TF: variants seen among roughly 807,000 people sequenced by gnomAD.
TF encodes the protein transferrin.
TF carries 55 observed loss-of-function variants against 82.4 expected under a neutral mutation model. The ratio of observed to expected loss-of-function variants is 0.67; its 90% CI spans 0.54 to 0.84. TF has a LOEUF of 0.84. Ranked by LOEUF, TF falls within the 40% of genes least tolerant of loss-of-function variation. The probability of loss-of-function intolerance (pLI) is 0.00; values close to 1 mark genes in which losing one functional copy is unlikely to be tolerated. For synonymous variants in TF, 332 were observed against 332.6 expected (o/e 1.00, Z 0.02); for missense variants, 737 against 868.4 (o/e 0.85, Z 1.90).
chr3:133,759,337 A>G lies in TF; in HGVS notation c.1203+8A>G, dbSNP rs368843608. On this transcript the variant is annotated splice_region_variant and intron_variant, in intron 9 of 16. Transcript: ENST00000402696. The stretch of plus-strand genomic sequence containing the variant: ...TGCATCGCCAAGATCATGGTATGTC[A>G]CTCCAGCCTTCCTAGGGCAGCGTCC... The G allele has an allele frequency of 6.2e-7, 1 of 1,613,052 alleles. No homozygotes were observed. Among genetic ancestry groups the G allele is most frequent in the South Asian group, 1.1e-5 (1 of 91,060 alleles).
At chr3:133,685,197 C>T in the TF span, among the ~76,000 whole-genome samples, 10 of 152,262 alleles carry the variant, frequency 6.6e-5, no homozygotes, top group East Asian at 1.9e-4. Flanking sequence ...ATTAATGGGA[C>T]GTATCTCAAA....
At chr3:133,683,005 G>C in the TF span, among the ~76,000 whole-genome samples, 2 of 152,198 alleles carry the variant, frequency 1.3e-5, no homozygotes, top group Non-Finnish European at 2.9e-5. Flanking sequence ...AGCTGATCTC[G>C]CGGCAGAAAC....
intron 11 of TF, 54 bp downstream of exon 11, chr3:133,764,961 G>T: frequency 3.1e-6 from 5 of 1,587,676 alleles, no homozygotes; most frequent in Non-Finnish European, 4.3e-6. Context: ...CATTGTTTTG[G>T]GGAATTGGTT....
the TF span, among the ~76,000 whole-genome samples, chr3:133,664,001 C>T: frequency 6.6e-6 from 1 of 152,166 alleles, no homozygotes; most frequent in Non-Finnish European, 1.5e-5. Context: ...CTAGTATCTA[C>T]TCCTGGAAAA....
rs1376081201 is a variant in TF at position 133,789,890 on chromosome 3, T to G, written c.*11270T>G. 1.7e-5 allele frequency: 1 copy of G among 59,210 alleles called. No individual in the cohort carries two copies. The highest frequency in any genetic ancestry group is 1.3e-3 in the East Asian group (1 of 766). The allele number at this position is 59,210 out of a possible 1,614,324, so 3.7% of individuals were successfully genotyped here. A position where few individuals can be genotyped will look rare whatever the true frequency, so the allele number is the denominator to read the frequency against. ...ACGATCTCGTTTGCGTTTTTTTTTT[T>G]TTTTTTTTTTTTTTTTTTGACAAAT... is the stretch of plus-strand genomic sequence containing the variant. On this transcript the variant is annotated 3_prime_UTR_variant, in exon 17 of 17. Transcript: ENST00000402696.
intron 2 of TF, among the ~76,000 whole-genome samples, chr3:133,750,361 T>G (rs1319128122): frequency 6.6e-6 from 1 of 152,120 alleles, no homozygotes; most frequent in African/African-American, 2.4e-5. Flanking sequence ...AATTCTACAG[T>G]TCTCAGCACA....
chr3:133,770,846 A>G, intron 14 of TF: 2 of 533,998 alleles, frequency 3.7e-6, no homozygotes, highest in Non-Finnish European at 6.7e-6. Flanking sequence ...TTCAGTGCCT[A>G]TTTCCTAAGA....
chr3:133,724,771 G>T, the TF span, among the ~76,000 whole-genome samples: 1 of 152,218 alleles, frequency 6.6e-6, no homozygotes, highest in Non-Finnish European at 1.5e-5. Flanking sequence ...TTTTCTTCTA[G>T]GGATTTTATG....
In TF at chr3:133,757,095, GA is replaced by G. The variant is rs1391099449; in HGVS notation, c.870+88del. The G allele has an allele frequency of 3.6e-5, 57 of 1,563,504 alleles. No individual in the cohort carries two copies. In the East Asian group the frequency reaches 1.3e-3, roughly 34 times the overall value. ...TCCTCCTGGCCATCTTGTCACTCTG[GA>G]AGTCTGTGTGTTCAGGATACAGTGG... is the stretch of plus-strand genomic sequence containing the variant. On this transcript the variant is annotated intron_variant, in intron 7 of 16. Transcript: ENST00000402696.
chr3:133,675,963 T>C, the TF span, among the ~76,000 whole-genome samples: 1 of 152,000 alleles, frequency 6.6e-6, no homozygotes, highest in Non-Finnish European at 1.5e-5. Context: ...GTGAAAGAAA[T>C]GGGGTTAGAG....
At chr3:133,732,731 C>G in the TF span, among the ~76,000 whole-genome samples, 1 of 152,192 alleles carries the variant, frequency 6.6e-6, no homozygotes, top group Non-Finnish European at 1.5e-5. Flanking sequence ...AAACTCTTGA[C>G]ACACCGTCTT....
chr3:133,774,352 A>C (rs1343100440), intron 14 of TF: 1 of 152,248 alleles, frequency 6.6e-6, no homozygotes, highest in African/African-American at 2.4e-5. Flanking sequence ...GATGCCTATT[A>C]AAAGAGGAAT....
chr3:133,710,492 C>T, the TF span, among the ~76,000 whole-genome samples: 3 of 152,170 alleles, frequency 2.0e-5, no homozygotes, highest in African/African-American at 7.2e-5. Flanking sequence ...GTCCACACAC[C>T]TCAAACCCAC....
chr3:133,670,484 G>C, the TF span, among the ~76,000 whole-genome samples: 1 of 152,326 alleles, frequency 6.6e-6, no homozygotes, highest in Middle Eastern at 3.4e-3. Context: ...CTTTGTCCCA[G>C]TACACACGAA....
At chr3:133,733,706 CA>C in the TF span, among the ~76,000 whole-genome samples, 21 of 152,296 alleles carry the variant, frequency 1.4e-4, no homozygotes, top group African/African-American at 4.6e-4. Context: ...TAACATTGAA[CA>C]ATGCTGAATA....
chr3:133,667,770 A>G, the TF span, among the ~76,000 whole-genome samples: 1 of 152,280 alleles, frequency 6.6e-6, no homozygotes, highest in East Asian at 1.9e-4. Context: ...GTGTCTAAGG[A>G]GCTACTAGAA....
chr3:133,682,319 C>A, the TF span, among the ~76,000 whole-genome samples: 2 of 152,184 alleles, frequency 1.3e-5, no homozygotes, highest in African/African-American at 4.8e-5. Context: ...GAATGCAGCT[C>A]CCCACCAGCA....
rs537671158 is a variant in TF, at chr3:133,790,468, T to C, written c.*11848T>C. 2 of 152,330 alleles carry C rather than the reference T, an allele frequency of 1.3e-5. No homozygotes were observed. The highest frequency in any genetic ancestry group is 3.9e-4 in the East Asian group (2 of 5,186). The allele number at this position is 152,330 out of a possible 1,614,324, so 9.4% of individuals were successfully genotyped here. ...GTTCAAATTACAGATTTGAAAAGGT[T>C]ACTTATGAAACAATGTAGTAAGGAA... On this transcript the variant is annotated 3_prime_UTR_variant, in exon 17 of 17. Transcript: ENST00000402696.
At position 133,759,297 on chromosome 3, in the gene TF, G is replaced by A. The variant is rs1933921418; in HGVS notation, c.1171G>A (p.Glu391Lys). The A allele has an allele frequency of 3.1e-6, 5 of 1,613,622 alleles. No homozygotes were observed. The highest frequency in any genetic ancestry group is 4.2e-6 in the Non-Finnish European group (5 of 1,179,972). Residue 391 changes from glutamate to lysine, a missense_variant, in exon 9 of 17, where the codon GAG becomes AAG. Glu to Lys is a moderately conservative substitution (Grantham distance 56). Transcript: ENST00000402696. ...SVGKIECVSA[E>K]TTEDCIAKIM... Reference sequence around the variant, plus strand: ...AGGGAAAATAGAGTGTGTATCAGCAGAGACCACCGAAGACTGCATCGCCAA... The same window carrying A: ...AGGGAAAATAGAGTGTGTATCAGCAAAGACCACCGAAGACTGCATCGCCAA...
Sources: gnomAD v4.1 joint callset for allele counts (sites outside exome capture counted in the v4.1 genomes callset) on GRCh38, gnomAD v4.1.1 for gene constraint, MANE v1.5 for transcripts, NCBI Gene and HGNC (gene_info 2026-07-23, HGNC 2026-07-21) for gene names.